Variants in RGS7 observed in about 807,000 individuals in gnomAD.
RGS7 encodes the protein regulator of G protein signaling 7.
A neutral mutation model predicts 81.1 loss-of-function variants in RGS7; 27 were observed. That is an observed-to-expected ratio of 0.33 (90% CI 0.25 to 0.46). The LOEUF (loss-of-function observed/expected upper bound fraction) is 0.46. RGS7 is among the 20% of genes least tolerant of loss of function. The pLI is 1.00. For synonymous variants in RGS7, 208 were observed against 207.7 expected (o/e 1.00, Z -0.01); for missense variants, 396 against 607.4 (o/e 0.65, Z 3.66).
chr1:240,995,053 A>G (rs1380811356), intron 3 of RGS7, among the ~76,000 whole-genome samples: 2 of 152,088 alleles, frequency 1.3e-5, no homozygotes, highest in Non-Finnish European at 1.5e-5. Context: ...TTTATTATGA[A>G]TAAGTTTTGA....
intron 6 of RGS7, among the ~76,000 whole-genome samples, chr1:240,920,873 T>C (rs1673409158): frequency 6.6e-6 from 1 of 152,014 alleles, no homozygotes; most frequent in Admixed American, 6.6e-5. Context: ...AGGGTCTTAA[T>C]GTAGATTTTT....
intron 2 of RGS7, among the ~76,000 whole-genome samples, chr1:241,109,115 T>C (rs12091325): frequency 0.05 from 7,667 of 152,254 alleles, 621 homozygotes; most frequent in African/African-American, 0.17. Context: ...ATGAATTTTC[T>C]GTAAGCGAAA....
intron 2 of RGS7, chr1:241,132,312 G>A (rs2067158104): frequency 6.5e-6 from 1 of 154,784 alleles, no homozygotes; most frequent in Admixed American, 6.5e-5. Context: ...CACATGGAGA[G>A]TGGAGCCCAG....
chr1:241,178,760 G>C (rs1050621818), intron 2 of RGS7, among the ~76,000 whole-genome samples: 1 of 152,154 alleles, frequency 6.6e-6, no homozygotes, highest in South Asian at 2.1e-4. Flanking sequence ...GGTTTGATAC[G>C]ATACCAGAAT....
At chr1:241,259,685 T>TATATATATATAA (rs1302382859) in intron 2 of RGS7, among the ~76,000 whole-genome samples, 2 of 100,792 alleles carry the variant, frequency 2.0e-5, no homozygotes, top group Non-Finnish European at 4.1e-5. Context: ...TATATATATA[T>TATATATATATAA]AATTAAAATA....
At chr1:240,895,929 C>T (rs919618511) in intron 6 of RGS7, among the ~76,000 whole-genome samples, 1 of 152,188 alleles carries the variant, frequency 6.6e-6, no homozygotes, top group African/African-American at 2.4e-5. Context: ...TTCTATTTCT[C>T]CACATCCTCT....
intron 3 of RGS7, among the ~76,000 whole-genome samples, chr1:241,084,381 A>C (rs2148904917): frequency 6.6e-6 from 1 of 152,328 alleles, no homozygotes; most frequent in Non-Finnish European, 1.5e-5. Flanking sequence ...CCAAAATAGT[A>C]AAATATGAAC....
At chr1:241,185,379 A>G (rs1465437374) in intron 2 of RGS7, among the ~76,000 whole-genome samples, 1 of 152,210 alleles carries the variant, frequency 6.6e-6, no homozygotes, top group African/African-American at 2.4e-5. Flanking sequence ...AAATAGAAAA[A>G]TCCAAAGTGA....
chr1:241,308,783 G>A (rs1179243145), intron 2 of RGS7, among the ~76,000 whole-genome samples: 1 of 152,058 alleles, frequency 6.6e-6, no homozygotes, highest in Admixed American at 6.5e-5. Context: ...AAAGACACTT[G>A]GTTCAGCAAA....
chr1:241,336,248 T>C (rs780983525), intron 2 of RGS7, among the ~76,000 whole-genome samples: 9 of 152,136 alleles, frequency 5.9e-5, no homozygotes, highest in Non-Finnish European at 8.8e-5. Context: ...GTGTCCAACT[T>C]CTAAGAGGCA....
At chr1:241,242,369 T>G (rs1247122851) in intron 2 of RGS7, among the ~76,000 whole-genome samples, 1 of 148,812 alleles carries the variant, frequency 6.7e-6, no homozygotes, top group Non-Finnish European at 1.5e-5. Context: ...CTTTATCCAC[T>G]TGTTGATTGA....
Position 240,979,180 on chromosome 1 carries a change from T to G in RGS7, c.226+3899A>C, listed in dbSNP as rs112354572. ...ACAACTACATATAATCCTAATAAACTGCTGGGAAAAGTATTGTAGTTTTCC... is the reference window on the plus strand; with the variant it reads ...ACAACTACATATAATCCTAATAAACGGCTGGGAAAAGTATTGTAGTTTTCC... On this transcript the variant is annotated intron_variant, in intron 4 of 18. Transcript: ENST00000440928. 7.1e-4 allele frequency among the ~76,000 whole-genome samples: 108 copies of G among 152,276 alleles called. 1 individual carries two copies. Among genetic ancestry groups the G allele is most frequent in the African/African-American group, 2.6e-3 (106 of 41,568 alleles).
chr1:241,259,494 T>C (rs1457098654), intron 2 of RGS7, among the ~76,000 whole-genome samples: 2 of 150,374 alleles, frequency 1.3e-5, no homozygotes, highest in Admixed American at 6.7e-5. Context: ...CTACTAAAAA[T>C]ACAAAATTAG....
intron 9 of RGS7, among the ~76,000 whole-genome samples, chr1:240,830,670 T>A (rs1293431700): frequency 6.6e-6 from 1 of 152,218 alleles, no homozygotes; most frequent in Non-Finnish European, 1.5e-5. Context: ...GAAAACTATG[T>A]CAATTATAGA....
chr1:240,935,899 G>A (rs1255689949), intron 5 of RGS7, among the ~76,000 whole-genome samples: 1 of 152,124 alleles, frequency 6.6e-6, no homozygotes, highest in African/African-American at 2.4e-5. Flanking sequence ...TAATTTTACA[G>A]GCTAGAATCT....
intron 2 of RGS7, among the ~76,000 whole-genome samples, chr1:241,179,319 GA>G (rs1469961996): frequency 6.6e-6 from 1 of 152,260 alleles, no homozygotes; most frequent in East Asian, 1.9e-4. Flanking sequence ...GGCTGGTCTC[GA>G]ACTCCTGACC....
intron 6 of RGS7, among the ~76,000 whole-genome samples, chr1:240,900,265 C>T (rs1183569407): frequency 3.3e-5 from 5 of 151,792 alleles, no homozygotes; most frequent in South Asian, 2.1e-4. Context: ...TTGTTATTAC[C>T]GATCGTCTGA....
intron 2 of RGS7, among the ~76,000 whole-genome samples, chr1:241,274,515 T>G (rs1365402728): frequency 4.6e-5 from 7 of 152,238 alleles, no homozygotes; most frequent in Non-Finnish European, 8.8e-5. Context: ...CTTATAACAC[T>G]GATGCCTATC....
At chr1:241,091,590 T>TAAAA (rs2063884570) in intron 3 of RGS7, among the ~76,000 whole-genome samples, 1 of 136,128 alleles carries the variant, frequency 7.3e-6, no homozygotes, top group African/African-American at 2.9e-5. Context: ...AATAAATAAA[T>TAAAA]AAATAAAAAA....
Sources: gnomAD v4.1 joint callset for allele counts (sites outside exome capture counted in the v4.1 genomes callset) on GRCh38, gnomAD v4.1.1 for gene constraint, MANE v1.5 for transcripts, NCBI Gene and HGNC (gene_info 2026-07-23, HGNC 2026-07-21) for gene names.